Variants in CUL5 observed in about 807,000 individuals in gnomAD.
CUL5 encodes the protein cullin 5, also known as cullin-5.
In CUL5, 26 loss-of-function variants were observed where a neutral mutation model predicts 108.8. The ratio of observed to expected loss-of-function variants is 0.24; its 90% CI spans 0.18 to 0.33. CUL5 has a LOEUF of 0.33. Ranked by LOEUF, CUL5 falls within the 10% of genes least tolerant of loss-of-function variation. The probability of loss-of-function intolerance (pLI) is 1.00; values close to 1 mark genes in which losing one functional copy is unlikely to be tolerated. For missense variants in CUL5, 524 were observed against 909.2 expected (o/e 0.58, Z 5.45); for synonymous variants, 334 against 298.0 (o/e 1.12, Z -1.25).
At chr11:108,061,764 C>T (rs2135157265) in intron 7 of CUL5, among the ~76,000 whole-genome samples, 1 of 152,238 alleles carries the variant, frequency 6.6e-6, no homozygotes, top group Middle Eastern at 3.4e-3. Flanking sequence ...AAGATAACTA[C>T]CTGAGACTGA....
intron 1 of CUL5, among the ~76,000 whole-genome samples, chr11:108,012,393 G>A (rs563395929): frequency 6.6e-6 from 1 of 151,694 alleles, no homozygotes; most frequent in Non-Finnish European, 1.5e-5. Flanking sequence ...TTCCTTGGTC[G>A]ATACCAAACA....
At chr11:108,043,284 G>A (rs749506955) in intron 2 of CUL5, among the ~76,000 whole-genome samples, 1 of 152,144 alleles carries the variant, frequency 6.6e-6, no homozygotes, top group Admixed American at 6.5e-5. Context: ...ATGTGGCCTA[G>A]GCTAATCTCG....
At chr11:108,011,669 C>A (rs1862060720) in intron 1 of CUL5, among the ~76,000 whole-genome samples, 1 of 151,368 alleles carries the variant, frequency 6.6e-6, no homozygotes, top group Non-Finnish European at 1.5e-5. Context: ...CGCTCTGTTG[C>A]CAGGCTGGAG....
At chr11:108,068,367 A>G (rs1430060594) in intron 7 of CUL5, among the ~76,000 whole-genome samples, 1 of 151,892 alleles carries the variant, frequency 6.6e-6, no homozygotes, top group Non-Finnish European at 1.5e-5. Context: ...CGCCCAGACT[A>G]CACTGCAGTG....
intron 18 of CUL5, among the ~76,000 whole-genome samples, chr11:108,101,388 C>T (rs1004847193): frequency 5.3e-5 from 8 of 152,236 alleles, no homozygotes; most frequent in Admixed American, 3.9e-4. Flanking sequence ...TTGGTAACTG[C>T]TGCTGTTGTC....
intron 2 of CUL5, among the ~76,000 whole-genome samples, chr11:108,039,838 T>C (rs76771702): frequency 0.01 from 1,570 of 152,358 alleles, 20 homozygotes; most frequent in Non-Finnish European, 0.014. Context: ...TCTGATGTTA[T>C]TGTTTCTTCA....
At chr11:108,010,754 G>A (rs1862040059) in intron 1 of CUL5, among the ~76,000 whole-genome samples, 2 of 152,142 alleles carry the variant, frequency 1.3e-5, no homozygotes, top group African/African-American at 4.8e-5. Flanking sequence ...ATCCCACTCT[G>A]CTTTTCTCTT....
intron 17 of CUL5, among the ~76,000 whole-genome samples, chr11:108,098,122 C>T (rs866806342): frequency 9.2e-5 from 14 of 152,078 alleles, no homozygotes; most frequent in African/African-American, 3.4e-4. Flanking sequence ...TGAATCCTAA[C>T]CCATATATCT....
chr11:108,055,405 C>A (rs907999105), intron 7 of CUL5, among the ~76,000 whole-genome samples: 3 of 152,032 alleles, frequency 2.0e-5, no homozygotes, highest in African/African-American at 7.2e-5. Flanking sequence ...ATTTCTTCTC[C>A]TTCTGGGAAG....
chr11:108,078,107 G>C, intron 10 of CUL5, 69 bp from the exon 11 acceptor site: 5 of 875,002 alleles, frequency 5.7e-6, no homozygotes, highest in Non-Finnish European at 5.3e-6. Flanking sequence ...TATGTGTTTT[G>C]GGATGTATAA....
Position 108,106,783 on chromosome 11 carries a change from C to T in CUL5, c.*2399C>T, listed in dbSNP as rs1012770345. 5 of 147,026 alleles carry T rather than the reference C, an allele frequency of 3.4e-5. No individual in the cohort carries two copies. Among genetic ancestry groups the T allele is most frequent in the African/African-American group, 5.0e-5 (2 of 39,680 alleles). The allele number at this position is 147,026 out of a possible 1,614,324, so 9.1% of individuals were successfully genotyped here. On this transcript the variant is annotated 3_prime_UTR_variant, in exon 19 of 19. Coordinates refer to ENST00000393094, the MANE Select transcript of CUL5 (RefSeq NM_003478.6). ...TCCAGCGTACACTTAAAATTGGTGC[C>T]GAGCAGGGATATAACCTGCAGTTAA... is the stretch of plus-strand genomic sequence containing the variant.
At chr11:108,070,962 G>C (rs969783554) in intron 8 of CUL5, among the ~76,000 whole-genome samples, 5 of 152,172 alleles carry the variant, frequency 3.3e-5, no homozygotes, top group African/African-American at 1.2e-4. Flanking sequence ...TCTAATTAGA[G>C]TTATGTCTGA....
intron 1 of CUL5, among the ~76,000 whole-genome samples, chr11:108,029,648 A>G (rs1201885197): frequency 6.6e-6 from 1 of 152,248 alleles, no homozygotes; most frequent in East Asian, 1.9e-4. Context: ...AGGTCAAGGA[A>G]CTACTTGAGC....
intron 10 of CUL5, among the ~76,000 whole-genome samples, chr11:108,075,984 T>G (rs763194510): frequency 2.6e-5 from 4 of 152,292 alleles, no homozygotes; most frequent in African/African-American, 9.6e-5. Context: ...CAAAGTCTAC[T>G]TAGCATGAAT....
chr11:108,078,551 A>G (rs1465018896), intron 11 of CUL5, among the ~76,000 whole-genome samples: 1 of 152,134 alleles, frequency 6.6e-6, no homozygotes, highest in East Asian at 1.9e-4. Context: ...TCAATTTACC[A>G]TAATGTTATA....
intron 7 of CUL5, among the ~76,000 whole-genome samples, chr11:108,058,872 A>G (rs1863466486): frequency 6.6e-6 from 1 of 152,206 alleles, no homozygotes; most frequent in Non-Finnish European, 1.5e-5. Context: ...TAGCAGATGA[A>G]CAGAAATGTA....
At chr11:108,019,742 A>G (rs1488354335) in intron 1 of CUL5, among the ~76,000 whole-genome samples, 1 of 152,210 alleles carries the variant, frequency 6.6e-6, no homozygotes, top group Non-Finnish European at 1.5e-5. Flanking sequence ...CCTAATAATA[A>G]TAAGTGACTG....
intron 7 of CUL5, among the ~76,000 whole-genome samples, chr11:108,057,623 A>G (rs968607172): frequency 6.6e-6 from 1 of 152,222 alleles, no homozygotes; most frequent in African/African-American, 2.4e-5. Flanking sequence ...CAAGGTGTCA[A>G]GACTGTAACA....
intron 9 of CUL5, among the ~76,000 whole-genome samples, chr11:108,073,188 C>T (rs1268209358): frequency 1.4e-5 from 2 of 146,218 alleles, no homozygotes; most frequent in Admixed American, 6.9e-5. Context: ...GGCGACAGAT[C>T]GAGACTCCGT....
Sources: gnomAD v4.1 joint callset for allele counts (sites outside exome capture counted in the v4.1 genomes callset) on GRCh38, gnomAD v4.1.1 for gene constraint, MANE v1.5 for transcripts, NCBI Gene and HGNC (gene_info 2026-07-23, HGNC 2026-07-21) for gene names.